The following PUS10 variants were observed in gnomAD, a reference collection of about 807,000 sequenced individuals.
PUS10 encodes pseudouridine synthase 10.
In PUS10, 59 loss-of-function variants were observed where a neutral mutation model predicts 75.0. The ratio of observed to expected loss-of-function variants is 0.79; its 90% CI spans 0.64 to 0.98. The LOEUF (loss-of-function observed/expected upper bound fraction) is 0.98, where lower values mean the gene tolerates loss of function less well. Among genes scored for constraint, PUS10 ranks in the 50% least tolerant of loss-of-function variants. The probability of loss-of-function intolerance (pLI) is 0.00; values close to 1 mark genes in which losing one functional copy is unlikely to be tolerated. For missense variants in PUS10, 650 were observed against 614.4 expected, an observed-to-expected ratio of 1.06 and a Z score of -0.61; for synonymous variants, 219 against 211.6, an observed-to-expected ratio of 1.03 and a Z score of -0.30.
intron 2 of PUS10, chr2:61,010,926 T>C: frequency 1.3e-6 from 2 of 1,541,276 alleles, no homozygotes; most frequent in Middle Eastern, 1.9e-4. Context: ...ACTTACCTAA[T>C]CAGTTATTAT....
rs181902540 is a variant in PUS10, at chr2:60,995,009, G to A, written c.468+11548C>T. 1.7e-4 allele frequency among the ~76,000 whole-genome samples: 26 copies of A among 152,294 alleles called. 1 individual carries two copies. Among genetic ancestry groups the A allele is most frequent in the Admixed American group, 1.6e-3 (24 of 15,306 alleles). Reference sequence around the variant, plus strand: ...GGAGCCTGAGGCAGGAGAATCGCTAGAACCCGGGAGGTGGAAATTGCAGTA... The same window carrying A: ...GGAGCCTGAGGCAGGAGAATCGCTAAAACCCGGGAGGTGGAAATTGCAGTA... On this transcript the variant is annotated intron_variant, in intron 4 of 17. Transcript: ENST00000316752.
intron 11 of PUS10, among the ~76,000 whole-genome samples, chr2:60,956,750 T>C (rs573391336): frequency 2.6e-5 from 4 of 151,758 alleles, no homozygotes; most frequent in Admixed American, 6.6e-5. Context: ...CTAAGGCAGG[T>C]GGATCACGAA....
chr2:61,010,275 A>G lies in PUS10; in HGVS notation c.127-1260T>C, dbSNP rs565350286. ...ATATTGTGTATAAATGAATATACACATATTTAAATCATCATAGCACAAGTA... is the reference window on the plus strand; with the variant it reads ...ATATTGTGTATAAATGAATATACACGTATTTAAATCATCATAGCACAAGTA... On this transcript the variant is annotated intron_variant, in intron 2 of 17. Coordinates refer to ENST00000316752, the MANE Select transcript of PUS10 (RefSeq NM_144709.4). The G allele has an allele frequency of 9.9e-4, 154 of 155,900 alleles. 1 individual carries two copies. The Middle Eastern group carries it at 0.01, about 10-fold the overall frequency. 9.7% of individuals were successfully genotyped at this position (155,900 alleles called of 1,614,324 possible). A position where few individuals can be genotyped will look rare whatever the true frequency, so the allele number is the denominator to read the frequency against.
intron 1 of PUS10, among the ~76,000 whole-genome samples, chr2:61,012,115 G>A (rs1244132666): frequency 6.6e-6 from 1 of 152,078 alleles, no homozygotes; most frequent in Non-Finnish European, 1.5e-5. Context: ...AATTGCTAAG[G>A]AATTTAGTGT....
At position 61,008,945 on chromosome 2, in the gene PUS10, G is replaced by C. The variant is rs1011953964; in HGVS notation, c.197C>G (p.Pro66Arg). The change falls in exon 3 of 18, where the codon CCA becomes CGA. Residue 66 changes from proline to arginine, a missense_variant. Pro to Arg is a moderately radical substitution (Grantham distance 103, BLOSUM62 -2). Coordinates refer to ENST00000316752, the MANE Select transcript of PUS10 (RefSeq NM_144709.4). ...TTGCAGTCGAATTTTCTTGGGAGGT[G>C]GGTTCATAACTTCCAAAATTAATTC... Reference protein sequence around the residue: ...KDELILEVMNPPPKKIRLQEL... With the variant: ...KDELILEVMNRPPKKIRLQEL... The C allele has an allele frequency of 4.3e-6, 7 of 1,612,676 alleles. No individual in the cohort carries two copies. Among genetic ancestry groups the C allele is most frequent in the Non-Finnish European group, 5.9e-6 (7 of 1,178,956 alleles).
At chr2:60,994,589 A>T (rs1678327922) in intron 4 of PUS10, among the ~76,000 whole-genome samples, 1 of 152,246 alleles carries the variant, frequency 6.6e-6, no homozygotes, top group African/African-American at 2.4e-5. Flanking sequence ...ATCATTTTAG[A>T]GAATCACAAA....
chr2:61,010,697 TATC>T (rs748959380), intron 2 of PUS10: 17 of 1,377,610 alleles, frequency 1.2e-5, no homozygotes, highest in Non-Finnish European at 1.7e-5. Context: ...AGGTGGGTAT[TATC>T]ATCATTCCCA....
chr2:60,961,488 A>C lies in PUS10; in HGVS notation c.849T>G (p.Cys283Trp). The change falls in exon 10 of 18, where the codon TGT (cysteine) becomes TGG (tryptophan). Residue 283 changes from cysteine (C) to tryptophan (W), a missense_variant. Transcript: ENST00000316752. ...CAGCCACAAAAACAGCACCATGAGC[A>C]CATTCAATTTCAAGAACAGCGCATA... ...KAVCAVLEIE[C>W]AHGAVFVAGR... 6.2e-7 allele frequency: 1 copy of C among 1,614,092 alleles called. No homozygotes were observed. Among genetic ancestry groups the C allele is most frequent in the Non-Finnish European group, 8.5e-7 (1 of 1,179,942 alleles).
At chr2:61,012,869 TA>T (rs1223783789) in intron 1 of PUS10, among the ~76,000 whole-genome samples, 1 of 81,090 alleles carries the variant, frequency 1.2e-5, no homozygotes, top group Non-Finnish European at 2.5e-5. Context: ...AAAAAAAAAA[TA>T]TATATATATA....
chr2:60,974,211 CTTTTTTTTTTTTTT>C (rs35241132), intron 4 of PUS10, among the ~76,000 whole-genome samples: 1 of 96,068 alleles, frequency 1.0e-5, no homozygotes, highest in African/African-American at 4.9e-5. Flanking sequence ...GATAAAGCTC[CTTTTTTTTTTTTTT>C]TTTTTTTTGG....
Position 60,941,372 on chromosome 2 carries a change from A to G in PUS10, c.*1023T>C, listed in dbSNP as rs904859992. On this transcript the variant is annotated 3_prime_UTR_variant, in exon 18 of 18. Transcript: ENST00000316752. ...ATGGCATCCATAGCTGCCCCTTCAC[A>G]CAAACAGGTGCTCAGTAATAGGGCT... 3.9e-5 allele frequency: 6 copies of G among 152,260 alleles called. No homozygotes were observed. Among genetic ancestry groups the G allele is most frequent in the Non-Finnish European group, 8.8e-5 (6 of 67,986 alleles). The allele number at this position is 152,260 out of a possible 1,614,324, so 9.4% of individuals were successfully genotyped here. A position where few individuals can be genotyped will look rare whatever the true frequency, so the allele number is the denominator to read the frequency against.
chr2:60,982,138 G>T (rs114608422), intron 4 of PUS10, among the ~76,000 whole-genome samples: 102 of 151,886 alleles, frequency 6.7e-4, no homozygotes, highest in African/African-American at 2.3e-3. Flanking sequence ...CACAATGCAG[G>T]TATTTGGTCC....
intron 10 of PUS10, among the ~76,000 whole-genome samples, 153 bp from the exon 11 acceptor site, chr2:60,960,670 C>G (rs1251795199): frequency 6.6e-6 from 1 of 151,790 alleles, no homozygotes; most frequent in Non-Finnish European, 1.5e-5. Context: ...AATTTGGAGA[C>G]CTGGGACATA....
Position 60,962,885 on chromosome 2 carries a change from T to C in PUS10, c.729A>G (p.Val243=), listed in dbSNP as rs1454384038. 1.3e-6 allele frequency: 2 copies of C among 1,568,038 alleles called. No individual in the cohort carries two copies. The highest frequency in any genetic ancestry group is 1.7e-6 in the Non-Finnish European group (2 of 1,163,684). ...CFKPAKNKQS[V]FTRMAVMKAL... is the part of the protein sequence containing the mutation. ...CTTTCATAACTGCCATTCTAGTGAA[T>C]ACAGACTATATAGGGTAAAATGAGA... The change falls in exon 9 of 18, where the codon GTA becomes GTG. Residue 243 remains valine, a synonymous_variant. Coordinates refer to ENST00000316752, the MANE Select transcript of PUS10 (RefSeq NM_144709.4).
chr2:61,010,782 T>C, intron 2 of PUS10: 1 of 1,550,228 alleles, frequency 6.5e-7, no homozygotes, highest in Non-Finnish European at 8.7e-7. Context: ...TAGTTCCAAA[T>C]CCTAGGTTTT....
rs548185206 is a variant in PUS10 at position 60,941,039 on chromosome 2, G to T, written c.*1356C>A. 4 of 152,290 alleles carry T rather than the reference G, an allele frequency of 2.6e-5. No individual in the cohort carries two copies. Among genetic ancestry groups the T allele is most frequent in the South Asian group, 4.1e-4 (2 of 4,820 alleles). The allele number at this position is 152,290 out of a possible 1,614,324, so 9.4% of individuals were successfully genotyped here. On this transcript the variant is annotated 3_prime_UTR_variant, in exon 18 of 18. Coordinates refer to ENST00000316752, the MANE Select transcript of PUS10 (RefSeq NM_144709.4). ...ATGTTTAATATAGAGATGGGAAATG[G>T]TTAGTAATCTAATACTAGTCAAGTC...
intron 4 of PUS10, among the ~76,000 whole-genome samples, chr2:60,980,309 T>C (rs544030455): frequency 6.6e-6 from 1 of 152,284 alleles, no homozygotes; most frequent in African/African-American, 2.4e-5. Context: ...TTGAATTTGG[T>C]TTTAGAGAGC....
intron 15 of PUS10, among the ~76,000 whole-genome samples, chr2:60,950,004 C>T (rs1675235883): frequency 6.6e-6 from 1 of 152,230 alleles, no homozygotes; most frequent in Admixed American, 6.5e-5. Flanking sequence ...ATGGCATTCT[C>T]AATGACTTGT....
intron 1 of PUS10, chr2:61,017,552 C>G (rs1388322273): frequency 1.8e-6 from 1 of 547,864 alleles, no homozygotes; most frequent in Non-Finnish European, 3.3e-6. Flanking sequence ...GGGGCAAATA[C>G]AAAGAGCGTG....
Sources: gnomAD v4.1 joint callset for allele counts (sites outside exome capture counted in the v4.1 genomes callset) on GRCh38, gnomAD v4.1.1 for gene constraint, MANE v1.5 for transcripts, NCBI Gene and HGNC (gene_info 2026-07-23, HGNC 2026-07-21) for gene names.